Variants in PTGR3 observed in about 807,000 individuals in gnomAD.
The protein encoded by PTGR3 is prostaglandin reductase 3, also known as zinc binding alcohol dehydrogenase domain containing 2.
At chr18:75,201,295 CCTTA>C in the PTGR3 span, 3 of 866,652 alleles carry the variant, frequency 3.5e-6, no homozygotes, top group Non-Finnish European at 5.2e-6. Flanking sequence ...TTCATTAACA[CCTTA>C]CTTTTGTTTT....
the PTGR3 span, chr18:75,200,492 T>C: frequency 6.6e-6 from 1 of 152,212 alleles, no homozygotes; most frequent in Admixed American, 6.5e-5. Context: ...GTCTCTACGG[T>C]GCACAGGGCG....
At chr18:75,198,280 C>T in the PTGR3 span, 2 of 152,164 alleles carry the variant, frequency 1.3e-5, no homozygotes, top group African/African-American at 4.8e-5. Context: ...GTACTGAGGA[C>T]ATTACATCCT....
At chr18:75,205,401 T>TAC in the PTGR3 span, 1 of 983,372 alleles carries the variant, frequency 1.0e-6, no homozygotes, top group Admixed American at 6.2e-5. Flanking sequence ...TGAAACTGTG[T>TAC]GCATGCAGTG....
At chr18:75,208,873 G>A in the PTGR3 span, 4 of 1,530,602 alleles carry the variant, frequency 2.6e-6, no homozygotes, top group African/African-American at 2.8e-5. Flanking sequence ...GGAGGTCTCC[G>A]TCCCCGGGGA....
At chr18:75,198,322 G>A in the PTGR3 span, 1 of 152,166 alleles carries the variant, frequency 6.6e-6, no homozygotes, top group African/African-American at 2.4e-5. Flanking sequence ...AGTACATAAT[G>A]CAGGATTTTC....
chr18:75,202,041 A>C, the PTGR3 span: 1 of 1,614,110 alleles, frequency 6.2e-7, no homozygotes, highest in Non-Finnish European at 8.5e-7. Context: ...CCCTTCCGAC[A>C]GTCCTCCGAG....
the PTGR3 span, chr18:75,208,224 C>T: frequency 1.3e-6 from 1 of 772,394 alleles, no homozygotes; most frequent in South Asian, 5.8e-5. Context: ...CTGCCCGGGA[C>T]ACGCGCCACG....
the PTGR3 span, chr18:75,196,633 A>AAT: frequency 1.6e-3 from 50 of 31,912 alleles, no homozygotes; most frequent in Middle Eastern, 0.039. Context: ...GTCTTGTCCC[A>AAT]AAAAAAAAAA....
At chr18:75,205,616 G>T in the PTGR3 span, 1 of 468,362 alleles carries the variant, frequency 2.1e-6, no homozygotes, top group Non-Finnish European at 2.8e-6. Flanking sequence ...GGAGAGGAAC[G>T]CTTTCCTCTG....
At chr18:75,205,432 C>T in the PTGR3 span, 1 of 985,230 alleles carries the variant, frequency 1.0e-6, no homozygotes, top group Non-Finnish European at 1.2e-6. Context: ...TCTAGTAATC[C>T]GACGGGAGGA....
At chr18:75,203,888 G>T in the PTGR3 span, among the ~76,000 whole-genome samples, 3 of 152,240 alleles carry the variant, frequency 2.0e-5, no homozygotes, top group Non-Finnish European at 4.4e-5. Flanking sequence ...CACAGCAGCA[G>T]CCCAGGGCAG....
the PTGR3 span, chr18:75,201,421 G>A: frequency 6.2e-7 from 1 of 1,606,496 alleles, no homozygotes; most frequent in Non-Finnish European, 8.5e-7. Context: ...TGTTTTTACA[G>A]CTTACTGTTG....
At chr18:75,205,577 T>C in the PTGR3 span, 1 of 787,612 alleles carries the variant, frequency 1.3e-6, no homozygotes, top group Middle Eastern at 6.4e-4. Flanking sequence ...TCGTCATGTT[T>C]ACTGAGAAAC....
At chr18:75,196,811 G>A in the PTGR3 span, 5 of 152,044 alleles carry the variant, frequency 3.3e-5, no homozygotes, top group Non-Finnish European at 5.9e-5. Flanking sequence ...GCACCAATGG[G>A]CAGGTCTATA....
At chr18:75,201,999 C>T in the PTGR3 span, 84 of 1,614,074 alleles carry the variant, frequency 5.2e-5, 1 homozygote, top group South Asian at 9.9e-5. Flanking sequence ...CTGGCCCGTT[C>T]CCCCAGCTGC....
chr18:75,200,434 G>A, the PTGR3 span: 2,005 of 152,282 alleles, frequency 0.013, 31 homozygotes, highest in South Asian at 0.053. Flanking sequence ...CTTCTAGTTC[G>A]AACGCCTCTA....
the PTGR3 span, chr18:75,199,622 G>A: frequency 6.6e-6 from 1 of 152,290 alleles, no homozygotes; most frequent in African/African-American, 2.4e-5. Context: ...GTCTGAAAGG[G>A]ATGGATGAAT....
chr18:75,199,701 C>A, the PTGR3 span: 1 of 152,604 alleles, frequency 6.6e-6, no homozygotes, highest in Non-Finnish European at 1.5e-5. Flanking sequence ...ATAATGAGGA[C>A]ACAAAGAGCC....
chr18:75,206,003 CCTT>C, the PTGR3 span, among the ~76,000 whole-genome samples: 2 of 152,212 alleles, frequency 1.3e-5, no homozygotes, highest in Non-Finnish European at 2.9e-5. Context: ...TAATCTGTCA[CCTT>C]CTTACGAAAA....
Sources: allele counts gnomAD v4.1 joint callset (sites outside exome capture counted in the v4.1 genomes callset), GRCh38; gene constraint gnomAD v4.1.1; transcripts MANE v1.5; gene names NCBI Gene and HGNC (gene_info 2026-07-23, HGNC 2026-07-21).